Variants in EPB41L5 observed in about 807,000 individuals in gnomAD.
The protein encoded by EPB41L5 is band 4.1-like protein 5.
EPB41L5 carries 55 observed loss-of-function variants against 106.6 expected under a neutral mutation model. The ratio of observed to expected loss-of-function variants is 0.52; its 90% confidence interval spans 0.42 to 0.65. The LOEUF is 0.65. Ranked by LOEUF, EPB41L5 falls within the 30% of genes least tolerant of loss-of-function variation. The probability of loss-of-function intolerance (pLI) is 0.00; values close to 1 mark genes in which losing one functional copy is unlikely to be tolerated. For missense variants in EPB41L5, 871 were observed against 882.1 expected, an observed-to-expected ratio of 0.99 and a Z score of 0.16; for synonymous variants, 297 against 306.7, an observed-to-expected ratio of 0.97 and a Z score of 0.33.
intron 14 of EPB41L5, among the ~76,000 whole-genome samples, chr2:120,098,190 T>TGTGTGTGTGTGTG (rs1574660633): frequency 1.4e-4 from 1 of 7,210 alleles, no homozygotes; most frequent in African/African-American, 4.0e-4. Context: ...GTGTGTGTGT[T>TGTGTGTGTGTGTG]TTGGTGGGGT....
chr2:120,133,551 G>C (rs1685796211), intron 18 of EPB41L5, among the ~76,000 whole-genome samples: 1 of 152,180 alleles, frequency 6.6e-6, no homozygotes, highest in Admixed American at 6.5e-5. Context: ...GCCCACAGAG[G>C]CTGCATTTAG....
At chr2:120,076,256 G>A (rs1324626133) in intron 7 of EPB41L5, among the ~76,000 whole-genome samples, 1 of 151,764 alleles carries the variant, frequency 6.6e-6, no homozygotes. Flanking sequence ...GGAAGACAGG[G>A]ACTATATTTA....
At position 120,148,697 on chromosome 2, in the gene EPB41L5, C is replaced by T. The variant is rs577812781; in HGVS notation, c.1793+2408C>T. 2.0e-5 allele frequency among the ~76,000 whole-genome samples: 3 copies of T among 152,064 alleles called. No homozygotes were observed. In the East Asian group the frequency reaches 5.8e-4, roughly 29 times the overall value. ...TAGCATATGTTGGTACTTTGTCCCT[C>T]CTTATGGCTAAATAATATTTCATTA... On this transcript the variant is annotated intron_variant, in intron 20 of 24. Coordinates refer to ENST00000263713, the MANE Select transcript of EPB41L5 (RefSeq NM_020909.4).
Position 120,161,757 on chromosome 2 carries a change from C to T in EPB41L5, c.1887+783C>T, listed in dbSNP as rs573185059. ...ACCATTGTCGCCTGAGTTCCACCTC[C>T]TCTCAGATCAGCTGTGGTGTTAGAT... On this transcript the variant is annotated intron_variant, in intron 21 of 24. Coordinates refer to ENST00000263713, the MANE Select transcript of EPB41L5 (RefSeq NM_020909.4). 2.6e-5 allele frequency among the ~76,000 whole-genome samples: 4 copies of T among 152,288 alleles called. No homozygotes were observed. In the South Asian group the frequency reaches 8.3e-4, roughly 32 times the overall value.
chr2:120,022,171 A>G (rs1449407512), intron 2 of EPB41L5, among the ~76,000 whole-genome samples: 1 of 152,238 alleles, frequency 6.6e-6, no homozygotes, highest in East Asian at 1.9e-4. Context: ...TAACCAATAG[A>G]TAACAATTTT....
chr2:120,116,703 A>G (rs1157101309), intron 16 of EPB41L5, among the ~76,000 whole-genome samples: 1 of 151,314 alleles, frequency 6.6e-6, no homozygotes, highest in Non-Finnish European at 1.5e-5. Context: ...ATTTTTTTTT[A>G]TTTTTTGTAG....
At chr2:120,129,343 A>AAAAAAG (rs149409881) in intron 17 of EPB41L5, among the ~76,000 whole-genome samples, 2 of 148,364 alleles carry the variant, frequency 1.3e-5, no homozygotes, top group Admixed American at 1.3e-4. Context: ...CTCAAAAAAA[A>AAAAAAG]AAAGAAAGAA....
At chr2:120,122,685 T>C (rs568069890) in intron 16 of EPB41L5, among the ~76,000 whole-genome samples, 3 of 152,340 alleles carry the variant, frequency 2.0e-5, no homozygotes, top group Admixed American at 2.0e-4. Flanking sequence ...ATATGAACTT[T>C]AAAGTAGTTT....
chr2:120,153,159 G>A (rs369785098), intron 20 of EPB41L5, among the ~76,000 whole-genome samples: 55 of 151,906 alleles, frequency 3.6e-4, no homozygotes, highest in African/African-American at 6.3e-4. Flanking sequence ...TATTCTGAGC[G>A]TTGCTTTTGC....
At chr2:120,016,263 C>G (rs1677520511) in intron 1 of EPB41L5, among the ~76,000 whole-genome samples, 1 of 152,106 alleles carries the variant, frequency 6.6e-6, no homozygotes, top group East Asian at 1.9e-4. Context: ...AACCCAGTAT[C>G]TACTAAAAGC....
intron 17 of EPB41L5, among the ~76,000 whole-genome samples, chr2:120,128,325 C>T (rs1685552485): frequency 6.6e-6 from 1 of 150,486 alleles, no homozygotes; most frequent in Non-Finnish European, 1.5e-5. Context: ...GTAAATCTCT[C>T]ATTGAAAATG....
At chr2:120,155,286 T>C (rs1175675755) in intron 20 of EPB41L5, among the ~76,000 whole-genome samples, 1 of 152,222 alleles carries the variant, frequency 6.6e-6, no homozygotes, top group African/African-American at 2.4e-5. Flanking sequence ...GAATTCTTAG[T>C]TGACAGGGTA....
chr2:120,151,488 A>G (rs536749637), intron 20 of EPB41L5, among the ~76,000 whole-genome samples: 5 of 152,252 alleles, frequency 3.3e-5, no homozygotes, highest in African/African-American at 9.6e-5. Flanking sequence ...CTAGGAAACA[A>G]TTTAACCAAG....
At chr2:120,014,673 A>G (rs181966140) in intron 1 of EPB41L5, among the ~76,000 whole-genome samples, 117 of 152,252 alleles carry the variant, frequency 7.7e-4, no homozygotes, top group African/African-American at 2.7e-3. Flanking sequence ...AGAGAGGTCA[A>G]CTGGAAAAAG....
At chr2:120,123,751 G>A (rs958823551) in intron 16 of EPB41L5, among the ~76,000 whole-genome samples, 1 of 133,082 alleles carries the variant, frequency 7.5e-6, no homozygotes, top group Non-Finnish European at 1.5e-5. Flanking sequence ...TCCACCTCCC[G>A]AGTTCAGGTG....
chr2:120,116,785 C>T (rs1684964475), intron 16 of EPB41L5, among the ~76,000 whole-genome samples: 1 of 152,044 alleles, frequency 6.6e-6, no homozygotes, highest in South Asian at 2.1e-4. Context: ...ACCTCAGCCT[C>T]CCAAAGTGTT....
At chr2:120,159,240 C>T (rs1008434548) in intron 20 of EPB41L5, among the ~76,000 whole-genome samples, 3 of 148,418 alleles carry the variant, frequency 2.0e-5, no homozygotes, top group African/African-American at 7.5e-5. Context: ...CTGGCTAACA[C>T]AGTGAAACCC....
chr2:120,133,767 T>G (rs373815023), intron 18 of EPB41L5, among the ~76,000 whole-genome samples: 3 of 152,126 alleles, frequency 2.0e-5, no homozygotes, highest in Non-Finnish European at 2.9e-5. Context: ...CCTAGAGAGA[T>G]ACTAGCTGGA....
chr2:120,067,771 C>T (rs1214635962), intron 3 of EPB41L5, among the ~76,000 whole-genome samples: 1 of 152,118 alleles, frequency 6.6e-6, no homozygotes, highest in Non-Finnish European at 1.5e-5. Context: ...GACATTGTTT[C>T]ACCTAATTTT....
Sources: gnomAD v4.1 joint callset for allele counts (sites outside exome capture counted in the v4.1 genomes callset) on GRCh38, gnomAD v4.1.1 for gene constraint, MANE v1.5 for transcripts, NCBI Gene and HGNC (gene_info 2026-07-23, HGNC 2026-07-21) for gene names.